The following HPSE2 variants were observed in gnomAD, a reference collection of about 807,000 sequenced individuals.
HPSE2 encodes heparanase 2 (inactive).
A neutral mutation model predicts 60.5 loss-of-function variants in HPSE2; 38 were observed. The ratio of observed to expected loss-of-function variants is 0.63; its 90% confidence interval spans 0.48 to 0.82. The LOEUF is 0.82. HPSE2 is among the 40% of genes least tolerant of loss of function. HPSE2 has a pLI of 0.00. For missense variants in HPSE2, 713 were observed against 740.4 expected (o/e 0.96, Z 0.43); for synonymous variants, 295 against 293.2 (o/e 1.01, Z -0.06).
chr10:99,206,422 G>A (rs1848747561), intron 2 of HPSE2, among the ~76,000 whole-genome samples: 2 of 151,944 alleles, frequency 1.3e-5, no homozygotes, highest in Non-Finnish European at 2.9e-5. Context: ...GCAACATGGT[G>A]AAACCCAATG....
intron 3 of HPSE2, among the ~76,000 whole-genome samples, chr10:98,994,142 T>C (rs1956590879): frequency 6.6e-6 from 1 of 152,214 alleles, no homozygotes; most frequent in African/African-American, 2.4e-5. Flanking sequence ...GAACTCAGCC[T>C]GAGGGTGGGG....
chr10:98,618,510 C>G (rs559403941), intron 8 of HPSE2, among the ~76,000 whole-genome samples: 3 of 152,208 alleles, frequency 2.0e-5, no homozygotes, highest in East Asian at 3.9e-4. Flanking sequence ...AGCATTGACA[C>G]CCTGGCTTCT....
At chr10:99,168,580 T>G (rs1192356378) in intron 2 of HPSE2, among the ~76,000 whole-genome samples, 1 of 152,226 alleles carries the variant, frequency 6.6e-6, no homozygotes, top group Non-Finnish European at 1.5e-5. Context: ...CATAAAACTC[T>G]TGAGTTTCTG....
chr10:98,971,965 T>A (rs1955965739), intron 3 of HPSE2, among the ~76,000 whole-genome samples: 1 of 152,154 alleles, frequency 6.6e-6, no homozygotes, highest in Non-Finnish European at 1.5e-5. Context: ...TATGTCACAA[T>A]TTACATCTTT....
intron 4 of HPSE2, among the ~76,000 whole-genome samples, chr10:98,741,329 CCT>C (rs1317139633): frequency 6.6e-6 from 1 of 151,850 alleles, no homozygotes; most frequent in African/African-American, 2.4e-5. Flanking sequence ...GTTGTTAACC[CCT>C]GAGGAGGCAC....
chr10:98,482,511 C>T (rs996918656), intron 11 of HPSE2, 125 bp downstream of exon 11: 35 of 1,196,120 alleles, frequency 2.9e-5, no homozygotes, highest in Admixed American at 5.1e-5. Flanking sequence ...CCCCAGACCG[C>T]TCTTTGTCCT....
chr10:99,223,828 G>C (rs1293005765), intron 2 of HPSE2, among the ~76,000 whole-genome samples: 1 of 152,120 alleles, frequency 6.6e-6, no homozygotes, highest in Non-Finnish European at 1.5e-5. Flanking sequence ...GAGAAAGAGG[G>C]AAATTAATGG....
chr10:98,661,208 G>T (rs1565057926), intron 6 of HPSE2, among the ~76,000 whole-genome samples: 1 of 152,226 alleles, frequency 6.6e-6, no homozygotes, highest in Non-Finnish European at 1.5e-5. Context: ...GGATACATAA[G>T]AAAAGTCACT....
chr10:98,902,626 T>A (rs1236202951), intron 3 of HPSE2, among the ~76,000 whole-genome samples: 4 of 152,122 alleles, frequency 2.6e-5, no homozygotes, highest in African/African-American at 9.7e-5. Flanking sequence ...CTTTCTAACT[T>A]AAAACCCTAT....
At chr10:98,804,612 A>G (rs1950998239) in intron 3 of HPSE2, among the ~76,000 whole-genome samples, 3 of 152,134 alleles carry the variant, frequency 2.0e-5, no homozygotes, top group African/African-American at 7.2e-5. Flanking sequence ...AATGTCTTTC[A>G]TCCAAAGACA....
intron 3 of HPSE2, among the ~76,000 whole-genome samples, chr10:98,828,085 C>G (rs929115479): frequency 2.2e-4 from 33 of 152,154 alleles, no homozygotes; most frequent in South Asian, 6.2e-4. Flanking sequence ...GCCTACCAGC[C>G]TACCCTGCAG....
At chr10:99,108,617 T>C (rs1447416658) in intron 3 of HPSE2, among the ~76,000 whole-genome samples, 2 of 152,294 alleles carry the variant, frequency 1.3e-5, no homozygotes, top group East Asian at 3.9e-4. Flanking sequence ...AACGAGACCA[T>C]ATTAGCAACT....
At chr10:98,475,115 A>G (rs1940949404) in intron 11 of HPSE2, among the ~76,000 whole-genome samples, 1 of 132,216 alleles carries the variant, frequency 7.6e-6, no homozygotes, top group South Asian at 2.3e-4. Flanking sequence ...TGGGACCACA[A>G]TTCTATTTTT....
At chr10:98,816,714 A>G (rs10883210) in intron 3 of HPSE2, among the ~76,000 whole-genome samples, 5,794 of 152,234 alleles carry the variant, frequency 0.038, 239 homozygotes, top group East Asian at 0.17. Flanking sequence ...AACTGCCTCC[A>G]TAAACAACTT....
chr10:98,492,510 C>CAAAAAAAAAAAAA (rs10645866), intron 9 of HPSE2, among the ~76,000 whole-genome samples: 10 of 111,838 alleles, frequency 8.9e-5, no homozygotes, highest in African/African-American at 1.7e-4. Context: ...TCAAAAAAGA[C>CAAAAAAAAAAAAA]AAAAAAAAAA....
At chr10:99,309,612 C>T in the HPSE2 span, among the ~76,000 whole-genome samples, 1 of 152,206 alleles carries the variant, frequency 6.6e-6, no homozygotes, top group Non-Finnish European at 1.5e-5. Context: ...TTGAACACAG[C>T]CATGCTCATT....
At chr10:99,044,542 C>T (rs1046446172) in intron 3 of HPSE2, among the ~76,000 whole-genome samples, 38 of 152,144 alleles carry the variant, frequency 2.5e-4, no homozygotes, top group African/African-American at 8.9e-4. Context: ...GAACACCCCA[C>T]TTAAAAGGCA....
intron 3 of HPSE2, among the ~76,000 whole-genome samples, chr10:98,797,570 G>A (rs541012356): frequency 3.6e-4 from 55 of 152,188 alleles, no homozygotes; most frequent in African/African-American, 1.2e-3. Flanking sequence ...TAAGCCGGGC[G>A]CAGTGGCTCA....
chr10:98,779,698 C>A (rs1362790093), intron 3 of HPSE2, among the ~76,000 whole-genome samples: 1 of 152,086 alleles, frequency 6.6e-6, no homozygotes, highest in African/African-American at 2.4e-5. Flanking sequence ...AGCATTCATT[C>A]ATTAATTTAT....
Sources: allele counts gnomAD v4.1 joint callset (sites outside exome capture counted in the v4.1 genomes callset), GRCh38; gene constraint gnomAD v4.1.1; transcripts MANE v1.5; gene names NCBI Gene and HGNC (gene_info 2026-07-23, HGNC 2026-07-21).